Variants in PRKCI observed in about 807,000 individuals in gnomAD.
The protein encoded by PRKCI is protein kinase C iota.
PRKCI carries 43 observed loss-of-function variants against 84.0 expected under a neutral mutation model. The observed-to-expected ratio is 0.51, with a 90% confidence interval of 0.40 to 0.66. The LOEUF (loss-of-function observed/expected upper bound fraction) is 0.66, where lower values mean the gene tolerates loss of function less well. Ranked by LOEUF, PRKCI falls within the 30% of genes least tolerant of loss-of-function variation. PRKCI has a pLI of 0.00. For synonymous variants in PRKCI, 216 were observed against 234.4 expected (o/e 0.92, Z 0.72); for missense variants, 459 against 745.6 (o/e 0.62, Z 4.48).
intron 13 of PRKCI, among the ~76,000 whole-genome samples, chr3:170,292,395 G>C (rs1734573196): frequency 1.3e-5 from 2 of 152,118 alleles, no homozygotes; most frequent in Admixed American, 1.3e-4. Flanking sequence ...TGGGATATTT[G>C]CCCCAGGAAT....
At chr3:170,234,295 T>C (rs1732886372) in intron 1 of PRKCI, among the ~76,000 whole-genome samples, 1 of 152,106 alleles carries the variant, frequency 6.6e-6, no homozygotes, top group African/African-American at 2.4e-5. Context: ...GCTCCCAAAG[T>C]GCTGGGGTTA....
At chr3:170,280,747 G>A (rs1200496332) in intron 9 of PRKCI, among the ~76,000 whole-genome samples, 1 of 152,136 alleles carries the variant, frequency 6.6e-6, no homozygotes, top group African/African-American at 2.4e-5. Flanking sequence ...ACCGCACCCA[G>A]CCAAGAGTAC....
intron 12 of PRKCI, chr3:170,291,571 C>A: frequency 3.4e-6 from 1 of 291,324 alleles, no homozygotes; most frequent in Non-Finnish European, 6.7e-6. Context: ...TTGGTGCATG[C>A]CTGTAATTCC....
intron 17 of PRKCI, among the ~76,000 whole-genome samples, chr3:170,302,574 C>T (rs1734848625): frequency 6.6e-6 from 1 of 152,176 alleles, no homozygotes; most frequent in Non-Finnish European, 1.5e-5. Context: ...CCATGATCTC[C>T]CTGCGGTGTT....
Position 170,295,165 on chromosome 3 carries a change from C to A in PRKCI, c.1418-746C>A, listed in dbSNP as rs542161211. 2.0e-5 allele frequency among the ~76,000 whole-genome samples: 3 copies of A among 151,704 alleles called. No individual in the cohort carries two copies. In the East Asian group the frequency reaches 5.8e-4, roughly 30 times the overall value. ...GGCGGAGGTTGCAGTGAGCTGAGAT[C>A]GTGCCACTGCACTCCAGTCTGGGCA... is the stretch of plus-strand genomic sequence containing the variant. On this transcript the variant is annotated intron_variant, in intron 14 of 17. Transcript: ENST00000295797.
At chr3:170,227,168 CT>C (rs1732649143) in intron 1 of PRKCI, among the ~76,000 whole-genome samples, 1 of 152,174 alleles carries the variant, frequency 6.6e-6, no homozygotes, top group Non-Finnish European at 1.5e-5. Flanking sequence ...CCTTTTACAA[CT>C]TTAGTGTCTG....
intron 4 of PRKCI, among the ~76,000 whole-genome samples, chr3:170,266,549 A>T (rs1006539514): frequency 7.9e-6 from 1 of 126,452 alleles, no homozygotes; most frequent in African/African-American, 2.7e-5. Context: ...CAGACTCTTT[A>T]AAAAAAAAAA....
intron 12 of PRKCI, among the ~76,000 whole-genome samples, chr3:170,286,183 TC>T (rs1734385582): frequency 6.6e-6 from 1 of 152,094 alleles, no homozygotes; most frequent in African/African-American, 2.4e-5. Flanking sequence ...CGCCTCAGCC[TC>T]CCAAAGTGCT....
chr3:170,296,004 A>G lies in PRKCI; in HGVS notation c.1497+14A>G, dbSNP rs758717024. 7 of 1,424,214 alleles carry G rather than the reference A, an allele frequency of 4.9e-6. No individual in the cohort carries two copies. The highest frequency in any genetic ancestry group is 2.0e-4 in the Middle Eastern group (1 of 5,016). 88.2% of individuals were successfully genotyped at this position (1,424,214 alleles called of 1,614,324 possible). The stretch of plus-strand genomic sequence containing the variant: ...TTTCTTAATAAGGTATAAATTGTGT[A>G]TAAGAATATTTTGTGATTTGTCTCT... On this transcript the variant is annotated intron_variant, in intron 15 of 17. Transcript: ENST00000295797.
intron 3 of PRKCI, among the ~76,000 whole-genome samples, chr3:170,262,832 CTTTT>C (rs748452040): frequency 6.0e-5 from 8 of 132,990 alleles, no homozygotes; most frequent in African/African-American, 1.1e-4. Flanking sequence ...TTCTTTCTTT[CTTTT>C]TTTTTTTTTT....
In PRKCI at chr3:170,273,218, A is replaced by G; in HGVS notation, c.592-68A>G. ...AATTTTAATATGCTGTGTGTTGTTG[A>G]AATAGTGTTATTTCTGGTGTAATAG... On this transcript the variant is annotated intron_variant, in intron 6 of 17. Transcript: ENST00000295797. The G allele has an allele frequency of 5.5e-6, 7 of 1,262,286 alleles. 1 individual carries two copies. Among genetic ancestry groups the G allele is most frequent in the Admixed American group, 3.6e-5 (2 of 56,162 alleles). 78.2% of individuals were successfully genotyped at this position (1,262,286 alleles called of 1,614,324 possible).
chr3:170,222,814 G>C (rs749580278), intron 1 of PRKCI, 44 bp downstream of exon 1: 3 of 1,417,916 alleles, frequency 2.1e-6, no homozygotes, highest in Admixed American at 4.0e-5. Context: ...GGGACAGGCC[G>C]GCTCCACTCG....
chr3:170,270,840 A>C (rs1733984990), intron 6 of PRKCI, among the ~76,000 whole-genome samples: 2 of 152,042 alleles, frequency 1.3e-5, no homozygotes, highest in African/African-American at 2.4e-5. Flanking sequence ...ACCATTTAAG[A>C]GTTTTTTCCC....
chr3:170,258,615 G>A (rs1733647014), intron 2 of PRKCI, among the ~76,000 whole-genome samples: 1 of 152,150 alleles, frequency 6.6e-6, no homozygotes. Context: ...TTTTCACTGA[G>A]GAATGCCATA....
Position 170,263,148 on chromosome 3 carries a change from G to A in PRKCI, c.314-231G>A, listed in dbSNP as rs577983838. Among the ~76,000 whole-genome samples, 35 of 139,142 alleles carry A rather than the reference G, an allele frequency of 2.5e-4. No homozygotes were observed. In the South Asian group the frequency reaches 7.8e-3, roughly 31 times the overall value. 91.3% of individuals were successfully genotyped at this position (139,142 alleles called of 152,430 possible). On this transcript the variant is annotated intron_variant, in intron 3 of 17. Coordinates refer to ENST00000295797, the MANE Select transcript of PRKCI (RefSeq NM_002740.6). Reference sequence around the variant, plus strand: ...CGCGCCACTGCACTCCAGCCTGGGCGACAGAGCGAAACTCTGTCTCAAAAA... The same window carrying A: ...CGCGCCACTGCACTCCAGCCTGGGCAACAGAGCGAAACTCTGTCTCAAAAA...
At position 170,303,519 on chromosome 3, in the gene PRKCI, G is replaced by T; in HGVS notation, c.*392G>T. ...GTCATTCTGTGTTAAATCATTTCAG[G>T]GTTTAATTTTGAAATAAAAGATTAA... On this transcript the variant is annotated 3_prime_UTR_variant, in exon 18 of 18. Coordinates refer to ENST00000295797, the MANE Select transcript of PRKCI (RefSeq NM_002740.6). 1 of 232,736 alleles carries T rather than the reference G, an allele frequency of 4.3e-6. No homozygotes were observed. Among genetic ancestry groups the T allele is most frequent in the East Asian group, 6.2e-5 (1 of 16,200 alleles). The allele number at this position is 232,736 out of a possible 1,614,324, so 14.4% of individuals were successfully genotyped here.
intron 14 of PRKCI, among the ~76,000 whole-genome samples, chr3:170,294,366 C>T (rs1734644240): frequency 6.6e-6 from 1 of 152,198 alleles, no homozygotes; most frequent in African/African-American, 2.4e-5. Flanking sequence ...TAATTAAAGC[C>T]ATCACAGGAT....
chr3:170,290,872 T>C (rs968539322), intron 12 of PRKCI, among the ~76,000 whole-genome samples: 3 of 152,190 alleles, frequency 2.0e-5, no homozygotes, highest in African/African-American at 7.2e-5. Flanking sequence ...GCATGGTGGC[T>C]TATGCCTGTA....
At chr3:170,277,223 T>A (rs1348594555) in intron 8 of PRKCI, among the ~76,000 whole-genome samples, 1 of 150,688 alleles carries the variant, frequency 6.6e-6, no homozygotes, top group Non-Finnish European at 1.5e-5. Flanking sequence ...CACTCCAGCC[T>A]GGGCGACAGA....
Sources: allele counts gnomAD v4.1 joint callset (sites outside exome capture counted in the v4.1 genomes callset), GRCh38; gene constraint gnomAD v4.1.1; transcripts MANE v1.5; gene names NCBI Gene and HGNC (gene_info 2026-07-23, HGNC 2026-07-21).